IL1RAPL1: variants seen among roughly 807,000 people sequenced by gnomAD.
IL1RAPL1 encodes interleukin-1 receptor accessory protein-like 1.
IL1RAPL1 carries 3 observed loss-of-function variants against 48.4 expected under a neutral mutation model. The observed-to-expected ratio is 0.06, with a 90% CI of 0.03 to 0.16. The LOEUF (loss-of-function observed/expected upper bound fraction) is 0.16, where lower values mean the gene tolerates loss of function less well. Among genes scored for constraint, IL1RAPL1 ranks in the 10% least tolerant of loss-of-function variants. The probability of loss-of-function intolerance (pLI) is 1.00; values close to 1 mark genes in which losing one functional copy is unlikely to be tolerated. For synonymous variants in IL1RAPL1, 185 were observed against 187.7 expected, an observed-to-expected ratio of 0.99 and a Z score of 0.12; for missense variants, 349 against 530.6, an observed-to-expected ratio of 0.66 and a Z score of 3.36.
chrX:29,853,498 A>G (rs976698263), intron 6 of IL1RAPL1, among the ~76,000 whole-genome samples: 2 of 111,057 alleles, frequency 1.8e-5, no homozygotes, highest in Admixed American at 1.9e-4. Flanking sequence ...ACAAAAAACA[A>G]AAGCCCTGTC....
chrX:29,144,582 G>A (rs1332546687), intron 2 of IL1RAPL1, among the ~76,000 whole-genome samples: 9 of 68,161 alleles, frequency 1.3e-4, no homozygotes, highest in Non-Finnish European at 2.0e-4. Flanking sequence ...CAGCCTGGGC[G>A]ACAAGAATGA....
chrX:29,811,909 G>A (rs945530567), intron 6 of IL1RAPL1, among the ~76,000 whole-genome samples: 2 of 111,285 alleles, frequency 1.8e-5, no homozygotes, highest in African/African-American at 3.3e-5. Flanking sequence ...CTGCATGTTG[G>A]TAAAAGCACA....
intron 2 of IL1RAPL1, among the ~76,000 whole-genome samples, chrX:28,932,055 A>AAAAT (rs774745432): frequency 4.1e-4 from 45 of 109,900 alleles, no homozygotes; most frequent in Non-Finnish European, 4.4e-4. Flanking sequence ...AAAAAAATAA[A>AAAAT]AAATAAATAA....
chrX:29,313,935 T>G (rs1453710470), intron 3 of IL1RAPL1, among the ~76,000 whole-genome samples: 1 of 112,407 alleles, frequency 8.9e-6, no homozygotes, highest in Non-Finnish European at 1.9e-5. Flanking sequence ...CTGTAAATAT[T>G]AAAAACACAG....
chrX:29,735,613 A>G (rs1270533061), intron 6 of IL1RAPL1, among the ~76,000 whole-genome samples: 4 of 111,599 alleles, frequency 3.6e-5, no homozygotes, highest in African/African-American at 1.3e-4. Context: ...TAAGTTCCAG[A>G]CTCATTCTGT....
chrX:28,933,019 A>G (rs944304432), intron 2 of IL1RAPL1, among the ~76,000 whole-genome samples: 2 of 111,453 alleles, frequency 1.8e-5, no homozygotes, highest in African/African-American at 6.5e-5. Flanking sequence ...CTTTCTCCAT[A>G]TGATTTTTTG....
chrX:28,822,814 A>G (rs1490837886), intron 2 of IL1RAPL1, among the ~76,000 whole-genome samples: 1 of 112,287 alleles, frequency 8.9e-6, no homozygotes, highest in Non-Finnish European at 1.9e-5. Context: ...GCCATAGGTC[A>G]TAATCAGCTG....
intron 2 of IL1RAPL1, among the ~76,000 whole-genome samples, chrX:29,203,579 C>T (rs768972728): frequency 3.8e-4 from 41 of 108,189 alleles, no homozygotes; most frequent in Non-Finnish European, 6.1e-4. Context: ...ATTAGTTGGG[C>T]GTAGTGGCGC....
At chrX:29,750,968 A>G (rs769657566) in intron 6 of IL1RAPL1, among the ~76,000 whole-genome samples, 92 of 111,882 alleles carry the variant, frequency 8.2e-4, no homozygotes, top group African/African-American at 2.9e-3. Context: ...ACTTTGAATC[A>G]GCAGAAATCC....
At chrX:29,182,201 T>G (rs1362952937) in intron 2 of IL1RAPL1, among the ~76,000 whole-genome samples, 1 of 111,223 alleles carries the variant, frequency 9.0e-6, no homozygotes, top group Admixed American at 9.7e-5. Context: ...CAATCATGCC[T>G]ATGTAATGAA....
At chrX:29,149,544 G>A (rs1463885646) in intron 2 of IL1RAPL1, among the ~76,000 whole-genome samples, 1 of 111,729 alleles carries the variant, frequency 9.0e-6, no homozygotes, top group Non-Finnish European at 1.9e-5. Flanking sequence ...AATAGAGATA[G>A]AACAATAAGA....
chrX:28,862,778 T>C (rs1921977503), intron 2 of IL1RAPL1, among the ~76,000 whole-genome samples: 1 of 112,424 alleles, frequency 8.9e-6, no homozygotes, highest in Admixed American at 9.5e-5. Context: ...AATTTGGAGA[T>C]TGATATTTAA....
rs181734190 is a variant in IL1RAPL1 at position 29,588,894 on chromosome X, G to C, written c.704-79536G>C. ...CAATAACATCAGGTCTGATCATTTA[G>C]GCTACTTGGGTTCTATGTTATTTGG... On this transcript the variant is annotated intron_variant, in intron 5 of 10. Coordinates refer to ENST00000378993, the MANE Select transcript of IL1RAPL1 (RefSeq NM_014271.4). Among the ~76,000 whole-genome samples the C allele has an allele frequency of 6.3e-5, 7 of 111,883 alleles. No homozygotes were observed. The East Asian group carries it at 1.7e-3, about 27-fold the overall frequency.
At chrX:29,203,722 A>AATATAGATATATATATATATATATAT (rs1419764371) in intron 2 of IL1RAPL1, among the ~76,000 whole-genome samples, 7 of 78,426 alleles carry the variant, frequency 8.9e-5, no homozygotes, top group African/African-American at 3.8e-4. Context: ...TCCGTCTCAA[A>AATATAGATATATATATATATATATAT]ATATATATAT....
intron 9 of IL1RAPL1, among the ~76,000 whole-genome samples, chrX:29,948,976 T>C (rs1933263315): frequency 8.9e-6 from 1 of 112,285 alleles, no homozygotes; most frequent in South Asian, 3.7e-4. Context: ...ATCTTTTTTC[T>C]AGCCAAATCC....
chrX:29,951,933 G>A (rs776689018), intron 9 of IL1RAPL1, among the ~76,000 whole-genome samples: 3 of 111,612 alleles, frequency 2.7e-5, no homozygotes, highest in Non-Finnish European at 5.6e-5. Context: ...TGGAAGGAAA[G>A]GATATTTTTA....
At chrX:28,832,692 T>C (rs950141909) in intron 2 of IL1RAPL1, among the ~76,000 whole-genome samples, 14 of 110,403 alleles carry the variant, frequency 1.3e-4, no homozygotes, top group South Asian at 3.8e-4. Context: ...ATATTCTATT[T>C]TAGAGAATTA....
chrX:29,103,371 A>G (rs60864911), intron 2 of IL1RAPL1, among the ~76,000 whole-genome samples: 23,378 of 111,074 alleles, frequency 0.21, 2,196 homozygotes, highest in African/African-American at 0.35. Flanking sequence ...TACATTGAGT[A>G]AAAAACCATC....
chrX:29,025,966 G>A (rs1057431883), intron 2 of IL1RAPL1, among the ~76,000 whole-genome samples: 6 of 111,782 alleles, frequency 5.4e-5, no homozygotes, highest in Middle Eastern at 4.6e-3. Context: ...CGTAAATAAA[G>A]TACAGTGTTT....
Sources: allele counts gnomAD v4.1 joint callset (sites outside exome capture counted in the v4.1 genomes callset), GRCh38; gene constraint gnomAD v4.1.1; transcripts MANE v1.5; gene names NCBI Gene and HGNC (gene_info 2026-07-23, HGNC 2026-07-21).